The following OTOF variants were observed in gnomAD, a reference collection of about 807,000 sequenced individuals.
The protein encoded by OTOF is fer-1-like family member 2.
In OTOF, 218 loss-of-function variants were observed where a neutral mutation model predicts 236.8. That is an observed-to-expected ratio of 0.92 (90% CI 0.82 to 1.03). The LOEUF (loss-of-function observed/expected upper bound fraction) is 1.03. OTOF is among the 50% of genes least tolerant of loss of function. The probability of loss-of-function intolerance (pLI) is 0.00; values close to 1 mark genes in which losing one functional copy is unlikely to be tolerated. For missense variants in OTOF, 2,590 were observed against 2,694.4 expected (o/e 0.96, Z 0.86); for synonymous variants, 1,041 against 1,072.5 (o/e 0.97, Z 0.57).
At position 26,460,319 on chromosome 2, in the gene OTOF, G is replaced by T; in HGVS notation, c.5814-114C>A. ...GTCCTGGGCTGTGTGTGCAGTTCTA[G>T]GCACCCCTCTGGCCATCAAGGCTGG... is the stretch of plus-strand genomic sequence containing the variant. On this transcript the variant is annotated intron_variant, in intron 45 of 46. Coordinates refer to ENST00000272371, the MANE Select transcript of OTOF (RefSeq NM_194248.3). This position sits in a 1 kb window ranked among gnomAD's most constrained non-coding sequence, Gnocchi z 5.3. 1.1e-6 allele frequency: 1 copy of T among 883,624 alleles called. No homozygotes were observed. Among genetic ancestry groups the T allele is most frequent in the Non-Finnish European group, 1.8e-6 (1 of 550,514 alleles). 54.7% of individuals were successfully genotyped at this position (883,624 alleles called of 1,614,324 possible).
At position 26,469,922 on chromosome 2, in the gene OTOF, G is replaced by A. The variant is rs368344376; in HGVS notation, c.4023+671C>T. Among the ~76,000 whole-genome samples, 27 of 152,324 alleles carry A rather than the reference G, an allele frequency of 1.8e-4. 1 individual carries two copies. The highest frequency in any genetic ancestry group is 6.5e-4 in the African/African-American group (27 of 41,578). ...CCTCCTGGTCAGGTGGCCAGTCAGAGCACCCTGAGCTAGGTAGGCAGCGTG... is the reference window on the plus strand; with the variant it reads ...CCTCCTGGTCAGGTGGCCAGTCAGAACACCCTGAGCTAGGTAGGCAGCGTG... On this transcript the variant is annotated intron_variant, in intron 32 of 46. Transcript: ENST00000272371.
At chr2:26,556,213 C>A (rs901506934) in intron 1 of OTOF, among the ~76,000 whole-genome samples, 1 of 152,216 alleles carries the variant, frequency 6.6e-6, no homozygotes, top group Non-Finnish European at 1.5e-5. Flanking sequence ...TCTCCCTCTG[C>A]GTGTTTACCA....
chr2:26,514,750 T>C (rs1244638118), intron 5 of OTOF, among the ~76,000 whole-genome samples: 2 of 152,222 alleles, frequency 1.3e-5, no homozygotes, highest in African/African-American at 4.8e-5. Flanking sequence ...AAGATGGGAC[T>C]TAATGGGCCT....
Position 26,480,890 on chromosome 2 carries a change from C to T in OTOF, c.1699G>A (p.Ala567Thr), listed in dbSNP as rs771560305. 35 of 1,612,862 alleles carry T rather than the reference C, an allele frequency of 2.2e-5. No homozygotes were observed. In the Admixed American group the frequency reaches 3.8e-4, roughly 18 times the overall value. The part of the protein sequence containing the change: ...EGLGEGVSFR[A>T]RLLLGLAVEI... The stretch of plus-strand genomic sequence containing the variant: ...ACAGCCAGGCCCAGCAGGAGCCGGG[C>T]CCGGAAGGACACACCCTCCCCCAGG... Residue 567 changes from alanine to threonine, a missense_variant, in exon 15 of 47, where the codon GCC (alanine) becomes ACC (threonine). By Grantham distance (58) the Ala-to-Thr change is moderately conservative. Transcript: ENST00000272371.
chr2:26,545,503 AT>A (rs1042216045), intron 1 of OTOF, among the ~76,000 whole-genome samples: 4 of 151,876 alleles, frequency 2.6e-5, no homozygotes, highest in South Asian at 2.1e-4. Context: ...GGAGTTTTCA[AT>A]TTTTTTTACT....
chr2:26,504,114 C>T (rs145656385), intron 5 of OTOF, among the ~76,000 whole-genome samples: 295 of 152,206 alleles, frequency 1.9e-3, no homozygotes, highest in Middle Eastern at 0.014. Context: ...AAGCAGGGAA[C>T]GTGGTCTTGA....
At position 26,457,594 on chromosome 2, in the gene OTOF, TC is replaced by T. The variant is rs1664249702; in HGVS notation, c.*643del. 6.2e-6 allele frequency: 1 copy of T among 162,528 alleles called. No homozygotes were observed. The highest frequency in any genetic ancestry group is 5.9e-5 in the Admixed American group (1 of 17,046). The allele number at this position is 162,528 out of a possible 1,614,324, so 10.1% of individuals were successfully genotyped here. A position where few individuals can be genotyped will look rare whatever the true frequency, so the allele number is the denominator to read the frequency against. The stretch of plus-strand genomic sequence containing the variant: ...TGCTGCGGATCAAAGACCGGTGCTA[TC>T]TGCAGGGGTCACGGCGGGGATACCT... On this transcript the variant is annotated 3_prime_UTR_variant, in exon 47 of 47. Transcript: ENST00000272371. This position sits in a 1 kb window ranked among gnomAD's most constrained non-coding sequence, Gnocchi z 4.4.
chr2:26,473,918 T>A lies in OTOF; in HGVS notation c.3408+73A>T, dbSNP rs1665121666. ...CCTGGTGATGGTGGTGGGAGGGGGA[T>A]GACAAGCCACTTCCCCTCCTGGGTC... On this transcript the variant is annotated intron_variant, in intron 27 of 46. Coordinates refer to ENST00000272371, the MANE Select transcript of OTOF (RefSeq NM_194248.3). The surrounding 1 kb of genome is among the most constrained non-coding windows in gnomAD (Gnocchi z 7.2). The A allele has an allele frequency of 2.5e-6, 4 of 1,584,274 alleles. No homozygotes were observed. The highest frequency in any genetic ancestry group is 3.5e-6 in the Non-Finnish European group (4 of 1,154,730).
At chr2:26,541,330 G>A (rs993677417) in intron 1 of OTOF, among the ~76,000 whole-genome samples, 2 of 152,150 alleles carry the variant, frequency 1.3e-5, no homozygotes, top group Non-Finnish European at 2.9e-5. Flanking sequence ...TCAGGGTTCT[G>A]TTTCAAAATG....
At chr2:26,530,362 G>GC (rs1666915090) in intron 2 of OTOF, among the ~76,000 whole-genome samples, 1 of 152,158 alleles carries the variant, frequency 6.6e-6, no homozygotes, top group African/African-American at 2.4e-5. Flanking sequence ...GGCTTCCGGG[G>GC]CCCCTGACTG....
In OTOF at chr2:26,460,891, G is replaced by A. The variant is rs368716091; in HGVS notation, c.5673C>T (p.Pro1891=). ...FKQKRVKGWW[P]LLARNENDEF... ...CATCGTTCTCATTGCGGGCCAGGAG[G>A]GGCCACCAGCCTTTGACGCGCTTTT... is the stretch of plus-strand genomic sequence containing the variant. The change falls in exon 44 of 47, where the codon CCC becomes CCT. Residue 1891 remains proline, a synonymous_variant. Transcript: ENST00000272371. The surrounding 1 kb of genome is among the most constrained non-coding windows in gnomAD (Gnocchi z 5.3). The A allele has an allele frequency of 6.0e-5, 97 of 1,614,060 alleles. No homozygotes were observed. Among genetic ancestry groups the A allele is most frequent in the Non-Finnish European group, 7.6e-5 (90 of 1,180,026 alleles).
chr2:26,528,862 T>C (rs1558517316), intron 2 of OTOF, among the ~76,000 whole-genome samples: 1 of 152,318 alleles, frequency 6.6e-6, no homozygotes, highest in Admixed American at 6.5e-5. Flanking sequence ...AAACAGCTCA[T>C]GGTGATTAGA....
Position 26,470,700 on chromosome 2 carries a change from T to TCTTCTC in OTOF, c.3910_3915dup (p.Glu1304_Lys1305dup), listed in dbSNP as rs1471564225. The stretch of plus-strand genomic sequence containing the variant: ...TCCGCAGTGCCCTTCTTCTTCTTCT[T>TCTTCTC]CTTCTCCTTCTCCTCCTCAGCCTGC... On this transcript the variant is annotated inframe_insertion, in exon 32 of 47. Coordinates refer to ENST00000272371, the MANE Select transcript of OTOF (RefSeq NM_194248.3). This position sits in a 1 kb window ranked among gnomAD's most constrained non-coding sequence, Gnocchi z 4.3. The TCTTCTC allele has an allele frequency of 6.2e-7, 1 of 1,613,552 alleles. No homozygotes were observed. The highest frequency in any genetic ancestry group is 1.1e-5 in the South Asian group (1 of 91,084).
chr2:26,510,627 G>C, intron 5 of OTOF: 1 of 953,066 alleles, frequency 1.0e-6, no homozygotes, highest in Non-Finnish European at 1.5e-6. Context: ...AGCCCATCCC[G>C]CCCTCCACAG....
intron 8 of OTOF, among the ~76,000 whole-genome samples, chr2:26,496,712 T>G (rs923835951): frequency 1.3e-5 from 2 of 152,122 alleles, no homozygotes; most frequent in Non-Finnish European, 2.9e-5. Flanking sequence ...GGTGGCCATG[T>G]TAAGATAGAC....
At chr2:26,508,151 A>G (rs1666295756) in intron 5 of OTOF, among the ~76,000 whole-genome samples, 1 of 152,230 alleles carries the variant, frequency 6.6e-6, no homozygotes, top group South Asian at 2.1e-4. Context: ...AACTGGAACT[A>G]CTAGGCTCAT....
chr2:26,477,179 G>A lies in OTOF; in HGVS notation c.2516C>T (p.Ala839Val), dbSNP rs201246660. 4.9e-5 allele frequency: 79 copies of A among 1,609,890 alleles called. No individual in the cohort carries two copies. In the African/African-American group the frequency reaches 5.6e-4, roughly 11 times the overall value. The change falls in exon 21 of 47, where the codon GCG becomes GTG. Residue 839 changes from alanine to valine, a missense_variant. By Grantham distance (64) the Ala-to-Val change is moderately conservative (BLOSUM62 0). Around this residue, in one of 2 missense-constraint regions of OTOF, gnomAD observed 1,379 missense variants for 1,341.6 expected, o/e 1.03. Coordinates refer to ENST00000272371, the MANE Select transcript of OTOF (RefSeq NM_194248.3). This position sits in a 1 kb window ranked among gnomAD's most constrained non-coding sequence, Gnocchi z 4.7. ...CGACCCCTTGGGCCGCACCTCGTCCGCCAGGAAGCGCAGCTTCTGCAGGAA... is the reference window on the plus strand; with the variant it reads ...CGACCCCTTGGGCCGCACCTCGTCCACCAGGAAGCGCAGCTTCTGCAGGAA... ...QNFLQKLRFL[A>V]DEPQHSIPDI... is the part of the protein sequence containing the mutation.
At position 26,463,502 on chromosome 2, in the gene OTOF, A is replaced by C. The variant is rs776729181; in HGVS notation, c.5173T>G (p.Ser1725Ala). The change falls in exon 41 of 47, where the codon TCA becomes GCA. Residue 1725 changes from serine (S) to alanine (A), a missense_variant. Ser to Ala is a moderately conservative substitution (Grantham distance 99). Around this residue, in one of 2 missense-constraint regions of OTOF, gnomAD observed 1,211 missense variants for 1,352.8 expected, o/e 0.90. Transcript: ENST00000272371. ...MPAPGTPLDI[S>A]PRKPKKYELR... is the part of the protein sequence containing the mutation. ...GCTCACTTCTTGGGCTTCCGAGGTGAGATGTCCAGAGGCGTCCCAGGGGCT... is the reference window on the plus strand; with the variant it reads ...GCTCACTTCTTGGGCTTCCGAGGTGCGATGTCCAGAGGCGTCCCAGGGGCT... The C allele has an allele frequency of 1.9e-6, 3 of 1,606,764 alleles. No homozygotes were observed. The East Asian group carries it at 6.7e-5, about 36-fold the overall frequency.
At chr2:26,510,571 C>T (rs1400096272) in intron 5 of OTOF, 5 of 444,028 alleles carry the variant, frequency 1.1e-5, no homozygotes, top group South Asian at 1.9e-5. Flanking sequence ...CTCCATGACC[C>T]GTGCCAGCTC....
Sources: gnomAD v4.1 joint callset for allele counts (sites outside exome capture counted in the v4.1 genomes callset) on GRCh38, gnomAD v4.1.1 for gene constraint, gnomAD v4.1.1 regional missense constraint, Gnocchi (gnomAD v3.1) non-coding constraint, MANE v1.5 for transcripts, NCBI Gene and HGNC (gene_info 2026-07-23, HGNC 2026-07-21) for gene names.